Variants in ITGA9 observed in about 807,000 individuals in gnomAD.
The protein encoded by ITGA9 is integrin alpha-9.
A neutral mutation model predicts 127.8 loss-of-function variants in ITGA9; 56 were observed. That is an observed-to-expected ratio of 0.44 (90% confidence interval 0.35 to 0.55). ITGA9 has a LOEUF of 0.55. Ranked by LOEUF, ITGA9 falls within the 20% of genes least tolerant of loss-of-function variation. The pLI is 0.00. For synonymous variants in ITGA9, 508 were observed against 514.5 expected, an observed-to-expected ratio of 0.99 and a Z score of 0.17; for missense variants, 1,196 against 1,347.1, an observed-to-expected ratio of 0.89 and a Z score of 1.76.
At chr3:37,600,386 C>G (rs1428200809) in intron 15 of ITGA9, among the ~76,000 whole-genome samples, 3 of 152,170 alleles carry the variant, frequency 2.0e-5, no homozygotes, top group African/African-American at 7.2e-5. Flanking sequence ...CTCAGTTTAA[C>G]CTGCTGTCCT....
At chr3:37,754,084 A>G (rs1476156841) in intron 23 of ITGA9, 1 of 152,158 alleles carries the variant, frequency 6.6e-6, no homozygotes, top group African/African-American at 2.4e-5. Flanking sequence ...CTTTATTGCC[A>G]TTCTTCTGCA....
intron 23 of ITGA9, among the ~76,000 whole-genome samples, chr3:37,753,198 T>TTA (rs1331914818): frequency 6.6e-6 from 1 of 152,092 alleles, no homozygotes; most frequent in Non-Finnish European, 1.5e-5. Context: ...AATAGCAAAA[T>TTA]TACTAGTAAC....
At chr3:37,596,649 T>C (rs1413634568) in intron 15 of ITGA9, among the ~76,000 whole-genome samples, 1 of 151,968 alleles carries the variant, frequency 6.6e-6, no homozygotes, top group African/African-American at 2.4e-5. Context: ...TAGGAGCTAT[T>C]TAAAAGGGGT....
intron 15 of ITGA9, among the ~76,000 whole-genome samples, chr3:37,582,060 TA>T (rs1042426193): frequency 6.6e-6 from 1 of 152,148 alleles, no homozygotes; most frequent in African/African-American, 2.4e-5. Context: ...CGACAGCAAT[TA>T]GAGGCAGGCA....
chr3:37,636,218 CA>C (rs1376531508), intron 16 of ITGA9, among the ~76,000 whole-genome samples: 1 of 152,190 alleles, frequency 6.6e-6, no homozygotes, highest in Non-Finnish European at 1.5e-5. Flanking sequence ...TTGACTTCCA[CA>C]ATGGTTGAAC....
At chr3:37,578,706 A>C (rs1406661438) in intron 15 of ITGA9, among the ~76,000 whole-genome samples, 1 of 152,148 alleles carries the variant, frequency 6.6e-6, no homozygotes, top group African/African-American at 2.4e-5. Context: ...TAAACAAAAT[A>C]ATGATGAGAG....
In ITGA9 at chr3:37,666,002, G is replaced by A. The variant is rs149323919; in HGVS notation, c.1916+12212G>A. On this transcript the variant is annotated intron_variant, in intron 17 of 27. Coordinates refer to ENST00000264741, the MANE Select transcript of ITGA9 (RefSeq NM_002207.3). ...ATGAGAGGTGACACAATGCTACGGT[G>A]TTCATTCGTTTGACAAATGTGGATG... Among the ~76,000 whole-genome samples, 332 of 152,308 alleles carry A rather than the reference G, an allele frequency of 2.2e-3. 3 individuals carry two copies. The highest frequency in any genetic ancestry group is 7.6e-3 in the African/African-American group (314 of 41,566).
intron 18 of ITGA9, among the ~76,000 whole-genome samples, chr3:37,716,044 T>C (rs1216693608): frequency 6.6e-6 from 1 of 152,210 alleles, no homozygotes; most frequent in East Asian, 1.9e-4. Context: ...GGTGGGTGAC[T>C]TTGGCACCGT....
chr3:37,649,918 G>A (rs1041838449), intron 16 of ITGA9, among the ~76,000 whole-genome samples: 2 of 152,204 alleles, frequency 1.3e-5, no homozygotes, highest in African/African-American at 2.4e-5. Flanking sequence ...AAGAAAATGG[G>A]AAAATTGTTT....
At chr3:37,553,491 G>T (rs934324737) in intron 15 of ITGA9, among the ~76,000 whole-genome samples, 2 of 152,174 alleles carry the variant, frequency 1.3e-5, no homozygotes, top group Non-Finnish European at 2.9e-5. Context: ...TTAGATTCAG[G>T]ATGTATATTT....
At chr3:37,524,956 C>T (rs1050873256) in intron 12 of ITGA9, among the ~76,000 whole-genome samples, 2 of 152,216 alleles carry the variant, frequency 1.3e-5, no homozygotes, top group Admixed American at 1.3e-4. Flanking sequence ...ATTGATACAA[C>T]ACCCAAGTGG....
chr3:37,628,541 C>T (rs1373782573), intron 15 of ITGA9, among the ~76,000 whole-genome samples: 1 of 152,156 alleles, frequency 6.6e-6, no homozygotes, highest in African/African-American at 2.4e-5. Context: ...TGTTTCTCAT[C>T]TCCTTGCAGC....
At chr3:37,484,739 G>A (rs933679167) in intron 4 of ITGA9, among the ~76,000 whole-genome samples, 6 of 152,208 alleles carry the variant, frequency 3.9e-5, no homozygotes, top group South Asian at 2.1e-4. Flanking sequence ...TTCAAGTCCC[G>A]GCTCTGCTAC....
chr3:37,610,598 A>G (rs1258296834), intron 15 of ITGA9, among the ~76,000 whole-genome samples: 1 of 152,218 alleles, frequency 6.6e-6, no homozygotes. Context: ...GTTTGGAGAA[A>G]AATAATACCT....
At chr3:37,737,201 G>A (rs552617067) in intron 20 of ITGA9, among the ~76,000 whole-genome samples, 1 of 152,330 alleles carries the variant, frequency 6.6e-6, no homozygotes, top group African/African-American at 2.4e-5. Context: ...TGAACTGAGA[G>A]GAACTGGGCA....
chr3:37,535,654 A>G (rs1270396941), intron 14 of ITGA9, among the ~76,000 whole-genome samples: 1 of 152,046 alleles, frequency 6.6e-6, no homozygotes, highest in Non-Finnish European at 1.5e-5. Context: ...GCACCAGTGT[A>G]CCCTCCCATT....
intron 3 of ITGA9, among the ~76,000 whole-genome samples, chr3:37,479,558 C>T (rs1698530266): frequency 6.6e-6 from 1 of 152,130 alleles, no homozygotes; most frequent in African/African-American, 2.4e-5. Context: ...GAGAACCAGG[C>T]CCCAAGAGCC....
At chr3:37,542,738 G>A (rs1305578307) in intron 15 of ITGA9, among the ~76,000 whole-genome samples, 153 bp downstream of exon 15, 1 of 152,136 alleles carries the variant, frequency 6.6e-6, no homozygotes, top group African/African-American at 2.4e-5. Flanking sequence ...TTCTTTTAAA[G>A]TTGGCCTCTG....
intron 14 of ITGA9, 57 bp from the exon 15 acceptor site, chr3:37,542,368 G>C: frequency 6.4e-7 from 1 of 1,572,232 alleles, no homozygotes; most frequent in Middle Eastern, 2.3e-4. Flanking sequence ...GAAAAGAGGT[G>C]GCCTCATCAC....
Sources: gnomAD v4.1 joint callset for allele counts (sites outside exome capture counted in the v4.1 genomes callset) on GRCh38, gnomAD v4.1.1 for gene constraint, MANE v1.5 for transcripts, NCBI Gene and HGNC (gene_info 2026-07-23, HGNC 2026-07-21) for gene names.